The following DPF3 variants were observed in gnomAD, a reference collection of about 807,000 sequenced individuals.
DPF3 encodes zinc finger protein DPF3.
DPF3 carries 18 observed loss-of-function variants against 56.8 expected under a neutral mutation model. That is an observed-to-expected ratio of 0.32 (90% CI 0.22 to 0.47). DPF3 has a LOEUF of 0.47. Ranked by LOEUF, DPF3 falls within the 20% of genes least tolerant of loss-of-function variation. The probability of loss-of-function intolerance (pLI) is 1.00; values close to 1 mark genes in which losing one functional copy is unlikely to be tolerated. For synonymous variants in DPF3, 188 were observed against 180.2 expected (o/e 1.04, Z -0.35); for missense variants, 403 against 488.8 (o/e 0.82, Z 1.65).
intron 1 of DPF3, 32 bp downstream of exon 1, chr14:72,894,025 G>A (rs752631670): frequency 2.5e-6 from 4 of 1,606,496 alleles, no homozygotes; most frequent in Non-Finnish European, 3.4e-6. Context: ...TTGAAACCAC[G>A]CGGAATATGT....
intron 1 of DPF3, among the ~76,000 whole-genome samples, chr14:72,853,977 T>G (rs745479150): frequency 6.6e-6 from 1 of 152,206 alleles, no homozygotes; most frequent in Non-Finnish European, 1.5e-5. Flanking sequence ...TTGACTTCCT[T>G]AACGATGACT....
chr14:72,779,892 C>T (rs1279059260), intron 1 of DPF3, among the ~76,000 whole-genome samples: 1 of 152,232 alleles, frequency 6.6e-6, no homozygotes, highest in African/African-American at 2.4e-5. Flanking sequence ...CAGAAGGCCT[C>T]TGGGTCACCA....
rs2153565609 is a variant in DPF3, at chr14:72,618,471, T to C, written c.*826A>G. Among the ~76,000 whole-genome samples the C allele has an allele frequency of 6.6e-6, 1 of 152,290 alleles. No individual in the cohort carries two copies. Among genetic ancestry groups the C allele is most frequent in the South Asian group, 2.1e-4 (1 of 4,826 alleles). ...AGAGGCAGAGGCTTGACCGTCTTCC[T>C]CTGTCCATAGGCCATGACTGGTCTC... On this transcript the variant is annotated 3_prime_UTR_variant, in exon 11 of 11. Coordinates refer to ENST00000556509, the MANE Select transcript of DPF3 (RefSeq NM_001280542.3).
At chr14:72,833,263 G>T (rs1884137086) in intron 1 of DPF3, among the ~76,000 whole-genome samples, 1 of 152,170 alleles carries the variant, frequency 6.6e-6, no homozygotes, top group South Asian at 2.1e-4. Context: ...AGATGTGTCT[G>T]AGAGAGACAG....
intron 1 of DPF3, among the ~76,000 whole-genome samples, chr14:72,801,434 G>T (rs1892887384): frequency 6.6e-6 from 1 of 152,176 alleles, no homozygotes; most frequent in Non-Finnish European, 1.5e-5. Context: ...CTGGCTGAAG[G>T]CATCATCATG....
At chr14:72,692,999 G>C in intron 7 of DPF3, 77 bp downstream of exon 7, 1 of 1,586,532 alleles carries the variant, frequency 6.3e-7, no homozygotes, top group South Asian at 1.2e-5. Context: ...CCAGCAGTGA[G>C]AAAAAGGAAC....
chr14:72,696,970 G>A (rs375278544), intron 6 of DPF3, among the ~76,000 whole-genome samples: 1 of 152,212 alleles, frequency 6.6e-6, no homozygotes, highest in East Asian at 1.9e-4. Context: ...TTTAGGCTTG[G>A]CTCCACCAAC....
chr14:72,746,362 G>A (rs889151069), intron 3 of DPF3, among the ~76,000 whole-genome samples: 14 of 152,184 alleles, frequency 9.2e-5, no homozygotes, highest in African/African-American at 3.1e-4. Context: ...TTCACCACCC[G>A]CAGCTGCAGG....
chr14:72,666,674 C>G (rs1256736566), intron 8 of DPF3, among the ~76,000 whole-genome samples: 1 of 152,102 alleles, frequency 6.6e-6, no homozygotes, highest in Non-Finnish European at 1.5e-5. Flanking sequence ...TGTCCATTTC[C>G]TCTCTCAGAA....
At chr14:72,816,378 T>C (rs1358612344) in intron 1 of DPF3, among the ~76,000 whole-genome samples, 1 of 152,224 alleles carries the variant, frequency 6.6e-6, no homozygotes, top group Non-Finnish European at 1.5e-5. Context: ...GCCTTCTCCA[T>C]CGTATGAGTC....
chr14:72,861,763 GAAA>G lies in DPF3; in HGVS notation c.32+32291_32+32293del, dbSNP rs1402067775. Among the ~76,000 whole-genome samples, 5 of 144,844 alleles carry G rather than the reference GAAA, an allele frequency of 3.5e-5. No individual in the cohort carries two copies. In the East Asian group the frequency reaches 1.0e-3, roughly 29 times the overall value. On this transcript the variant is annotated intron_variant, in intron 1 of 10. Transcript: ENST00000556509. ...AGAAAGAAAGAAAGAAAGAAAGAAA[GAAA>G]GAAAGAAAGAAAGAAAGAAAGAAAG...
chr14:72,635,058 T>C (rs1885348336), intron 8 of DPF3, among the ~76,000 whole-genome samples: 1 of 152,174 alleles, frequency 6.6e-6, no homozygotes, highest in African/African-American at 2.4e-5. Flanking sequence ...TGAAGAGCCA[T>C]TCCTGATTCA....
chr14:72,721,542 C>T (rs1016603019), intron 5 of DPF3, among the ~76,000 whole-genome samples: 1 of 152,104 alleles, frequency 6.6e-6, no homozygotes, highest in Non-Finnish European at 1.5e-5. Context: ...TTATCAATGG[C>T]TGCAAAAATC....
intron 3 of DPF3, among the ~76,000 whole-genome samples, chr14:72,732,182 G>A (rs1349489389): frequency 6.6e-6 from 1 of 152,192 alleles, no homozygotes; most frequent in Non-Finnish European, 1.5e-5. Flanking sequence ...AGGGTGCGGG[G>A]TAGATGTGGG....
chr14:72,723,491 C>T, intron 5 of DPF3, 142 bp downstream of exon 5: 3 of 720,054 alleles, frequency 4.2e-6, no homozygotes, highest in Middle Eastern at 2.6e-4. Flanking sequence ...GGGATCAGAG[C>T]TCTTCTGGAG....
intron 1 of DPF3, among the ~76,000 whole-genome samples, chr14:72,838,905 A>ATATATATATATATATT: frequency 1.6e-5 from 1 of 64,480 alleles, no homozygotes; most frequent in African/African-American, 6.7e-5. Context: ...TATCATATAT[A>ATATATATATATATATT]TTCTTTTTTT....
At chr14:72,863,067 T>TAA in intron 1 of DPF3, among the ~76,000 whole-genome samples, 1 of 1,668 alleles carries the variant, frequency 6.0e-4, no homozygotes, top group Admixed American at 3.9e-3. Context: ...TTTATATATA[T>TAA]ATATATATAT....
At chr14:72,699,603 C>T (rs991642223) in intron 6 of DPF3, among the ~76,000 whole-genome samples, 11 of 151,542 alleles carry the variant, frequency 7.3e-5, no homozygotes, top group African/African-American at 2.7e-4. Context: ...AACAGGGTTT[C>T]AAGACGACAG....
In DPF3 at chr14:72,616,936, G is replaced by T. The variant is rs1884126610; in HGVS notation, c.*2361C>A. ...CCGCTTTCCAGATGGGGAAACTGAG[G>T]CCTCCAAAGATGAAGAATGGGTTGG... On this transcript the variant is annotated 3_prime_UTR_variant, in exon 11 of 11. Coordinates refer to ENST00000556509, the MANE Select transcript of DPF3 (RefSeq NM_001280542.3). Among the ~76,000 whole-genome samples, 1 of 152,116 alleles carries T rather than the reference G, an allele frequency of 6.6e-6. No individual in the cohort carries two copies. Among genetic ancestry groups the T allele is most frequent in the Non-Finnish European group, 1.5e-5 (1 of 68,018 alleles).
Sources: allele counts gnomAD v4.1 joint callset (sites outside exome capture counted in the v4.1 genomes callset), GRCh38; gene constraint gnomAD v4.1.1; transcripts MANE v1.5; gene names NCBI Gene and HGNC (gene_info 2026-07-23, HGNC 2026-07-21).